TENM2: variants seen among roughly 807,000 people sequenced by gnomAD.
TENM2 encodes teneurin transmembrane protein 2.
Under a neutral mutation model 245.2 loss-of-function variants are expected in TENM2, and 52 were observed. The observed-to-expected ratio is 0.21, with a 90% CI of 0.17 to 0.27. The LOEUF (loss-of-function observed/expected upper bound fraction) is 0.27. Ranked by LOEUF, TENM2 falls within the 10% of genes least tolerant of loss-of-function variation. The pLI, the probability that TENM2 is intolerant of heterozygous loss-of-function variation, is 1.00. For synonymous variants in TENM2, 1,363 were observed against 1,438.9 expected (o/e 0.95, Z 1.19); for missense variants, 3,046 against 3,666.8 (o/e 0.83, Z 4.37).
intron 17 of TENM2, among the ~76,000 whole-genome samples, chr5:168,202,628 C>T (rs1357591160): frequency 1.3e-5 from 2 of 151,754 alleles, no homozygotes; most frequent in African/African-American, 4.8e-5. Flanking sequence ...AAGCCAGGCA[C>T]TAGCAATTCT....
chr5:167,527,109 G>A (rs1771174312), intron 2 of TENM2, among the ~76,000 whole-genome samples: 2 of 151,798 alleles, frequency 1.3e-5, no homozygotes, highest in African/African-American at 2.4e-5. Context: ...CACCTATATC[G>A]CCATGGAGGG....
chr5:167,746,173 C>T (rs1761544619), intron 2 of TENM2, among the ~76,000 whole-genome samples: 1 of 152,122 alleles, frequency 6.6e-6, no homozygotes, highest in African/African-American at 2.4e-5. Flanking sequence ...CGGACTATGC[C>T]AAGCAGTCTC....
the TENM2 span, among the ~76,000 whole-genome samples, chr5:167,127,521 C>A: frequency 3.3e-5 from 5 of 151,244 alleles, no homozygotes; most frequent in South Asian, 2.1e-4. Flanking sequence ...TAAAACATAA[C>A]CTTAAAATTA....
intron 7 of TENM2, among the ~76,000 whole-genome samples, chr5:168,082,414 C>G (rs1271816687): frequency 6.6e-6 from 1 of 152,200 alleles, no homozygotes; most frequent in Admixed American, 6.5e-5. Context: ...TATTACCGAT[C>G]ATCTGAAGCC....
chr5:167,283,202 C>T (rs1195740304), upstream of TENM2, among the ~76,000 whole-genome samples: 1 of 151,912 alleles, frequency 6.6e-6, no homozygotes, highest in Non-Finnish European at 1.5e-5. Flanking sequence ...CGCCACCAGG[C>T]CCAGCGAATT....
At chr5:167,567,814 T>A (rs1774006141) in intron 2 of TENM2, among the ~76,000 whole-genome samples, 1 of 152,110 alleles carries the variant, frequency 6.6e-6, no homozygotes, top group African/African-American at 2.4e-5. Flanking sequence ...TAACAACAGT[T>A]TTTAAAAGGC....
intron 9 of TENM2, among the ~76,000 whole-genome samples, chr5:168,098,644 A>C (rs1232796596): frequency 1.3e-5 from 2 of 152,178 alleles, no homozygotes; most frequent in African/African-American, 4.8e-5. Flanking sequence ...TAAGAAAGAA[A>C]ATGCTTCTCA....
intron 2 of TENM2, among the ~76,000 whole-genome samples, chr5:167,762,766 A>T (rs1301815123): frequency 2.6e-5 from 4 of 152,208 alleles, no homozygotes; most frequent in Non-Finnish European, 4.4e-5. Flanking sequence ...ACATCCAGCT[A>T]AAAATGCTTC....
chr5:167,991,968 C>G (rs1783701472), intron 4 of TENM2, among the ~76,000 whole-genome samples: 1 of 152,130 alleles, frequency 6.6e-6, no homozygotes, highest in Admixed American at 6.5e-5. Context: ...ATGGCTTTTG[C>G]AGCAACTTGG....
At chr5:167,953,886 T>A (rs1023423263) in intron 4 of TENM2, among the ~76,000 whole-genome samples, 1 of 152,198 alleles carries the variant, frequency 6.6e-6, no homozygotes, top group Non-Finnish European at 1.5e-5. Flanking sequence ...TTTGTTTTTT[T>A]ATAAGATCCT....
At chr5:167,532,362 C>T (rs967652193) in intron 2 of TENM2, among the ~76,000 whole-genome samples, 10 of 151,898 alleles carry the variant, frequency 6.6e-5, no homozygotes, top group African/African-American at 2.4e-4. Flanking sequence ...CTAATAAAGA[C>T]ATACCCGAGA....
chr5:168,034,080 TAC>T, intron 5 of TENM2, among the ~76,000 whole-genome samples: 1 of 117,434 alleles, frequency 8.5e-6, no homozygotes, highest in East Asian at 3.4e-4. Flanking sequence ...TATATATGTA[TAC>T]ATATATATGT....
the TENM2 span, among the ~76,000 whole-genome samples, chr5:167,000,606 A>G: frequency 6.6e-6 from 1 of 152,192 alleles, no homozygotes; most frequent in Admixed American, 6.5e-5. Flanking sequence ...TGAGTGTATC[A>G]TATATTTATT....
intron 23 of TENM2, among the ~76,000 whole-genome samples, chr5:168,223,488 A>G (rs1247079893): frequency 1.1e-5 from 1 of 87,186 alleles, no homozygotes; most frequent in Non-Finnish European, 2.1e-5. Context: ...TTTTTTTTTG[A>G]GACGGAGTCT....
intron 2 of TENM2, among the ~76,000 whole-genome samples, chr5:167,749,637 C>CA (rs11348656): frequency 0.024 from 3,546 of 145,414 alleles, 115 homozygotes; most frequent in African/African-American, 0.076. Flanking sequence ...AACCCCATCT[C>CA]AAAAAAAAAA....
At chr5:167,941,569 G>A (rs1436081083) in intron 3 of TENM2, among the ~76,000 whole-genome samples, 1 of 151,892 alleles carries the variant, frequency 6.6e-6, no homozygotes, top group South Asian at 2.1e-4. Flanking sequence ...ATCCTGGCTG[G>A]GTGTAGTGGC....
intron 2 of TENM2, chr5:167,754,828 C>T: frequency 2.5e-6 from 1 of 406,566 alleles, no homozygotes; most frequent in Non-Finnish European, 4.3e-6. Flanking sequence ...ATTTGGCTGG[C>T]AGCGGGGGAG....
At chr5:168,165,806 A>AT (rs1758239651) in intron 13 of TENM2, 1 of 146,906 alleles carries the variant, frequency 6.8e-6, no homozygotes, top group African/African-American at 2.6e-5. Flanking sequence ...AAAGAAAAAA[A>AT]AAAAAAAAGG....
At chr5:167,771,438 C>A (rs1004285642) in intron 2 of TENM2, among the ~76,000 whole-genome samples, 11 of 152,114 alleles carry the variant, frequency 7.2e-5, no homozygotes, top group African/African-American at 2.2e-4. Flanking sequence ...TCTTAGAGAA[C>A]AAGTCAAGTA....
Sources: allele counts gnomAD v4.1 joint callset (sites outside exome capture counted in the v4.1 genomes callset), GRCh38; gene constraint gnomAD v4.1.1; transcripts MANE v1.5; gene names NCBI Gene and HGNC (gene_info 2026-07-23, HGNC 2026-07-21).